Variants in UNC5C observed in about 807,000 individuals in gnomAD.
UNC5C encodes the protein netrin receptor UNC5C.
Under a neutral mutation model 99.8 loss-of-function variants are expected in UNC5C, and 47 were observed. That is an observed-to-expected ratio of 0.47 (90% confidence interval 0.37 to 0.60). The LOEUF (loss-of-function observed/expected upper bound fraction) is 0.60. Among genes scored for constraint, UNC5C ranks in the 20% least tolerant of loss-of-function variants. The probability of loss-of-function intolerance (pLI) is 0.00; values close to 1 mark genes in which losing one functional copy is unlikely to be tolerated. For missense variants in UNC5C, 1,062 were observed against 1,165.9 expected (o/e 0.91, Z 1.30); for synonymous variants, 487 against 452.2 (o/e 1.08, Z -0.98).
At position 95,165,832 on chromosome 4, in the gene UNC5C, A is replaced by G. The variant is rs544852481; in HGVS notation, c.*3402T>C. 2 of 152,318 alleles carry G rather than the reference A, an allele frequency of 1.3e-5. No individual in the cohort carries two copies. The highest frequency in any genetic ancestry group is 3.9e-4 in the East Asian group (2 of 5,174). 9.4% of individuals were successfully genotyped at this position (152,318 alleles called of 1,614,324 possible). On this transcript the variant is annotated 3_prime_UTR_variant, in exon 16 of 16. Coordinates refer to ENST00000453304, the MANE Select transcript of UNC5C (RefSeq NM_003728.4). The stretch of plus-strand genomic sequence containing the variant: ...AAAACCATAAGTGTTAAAAATGACA[A>G]CTCTTCAAAGACTGTTTTATATAGA...
chr4:95,335,682 C>T, intron 1 of UNC5C, 51 bp from the exon 2 acceptor site: 2 of 1,441,364 alleles, frequency 1.4e-6, no homozygotes, highest in Non-Finnish European at 1.9e-6. Flanking sequence ...TAACAACTTG[C>T]CTTCTACTTG....
chr4:95,353,870 T>C (rs1296037284), intron 1 of UNC5C, among the ~76,000 whole-genome samples: 2 of 152,096 alleles, frequency 1.3e-5, no homozygotes, highest in African/African-American at 4.8e-5. Context: ...ATTAAAAAAC[T>C]ATTTTAGTGA....
intron 4 of UNC5C, among the ~76,000 whole-genome samples, chr4:95,277,769 C>T (rs779222562): frequency 3.9e-5 from 6 of 152,152 alleles, no homozygotes; most frequent in Non-Finnish European, 5.9e-5. Context: ...ACCTTTTACT[C>T]CTAAAATGTG....
At chr4:95,171,381 C>A (rs1368103315) in intron 14 of UNC5C, among the ~76,000 whole-genome samples, 2 of 142,964 alleles carry the variant, frequency 1.4e-5, no homozygotes, top group East Asian at 4.3e-4. Flanking sequence ...TATCCCTCCC[C>A]CCTCCCACCT....
intron 1 of UNC5C, among the ~76,000 whole-genome samples, chr4:95,361,646 CA>C (rs1298199175): frequency 6.6e-6 from 1 of 152,052 alleles, no homozygotes; most frequent in Non-Finnish European, 1.5e-5. Context: ...ACATCCAAAT[CA>C]AAGCAAACAA....
intron 1 of UNC5C, among the ~76,000 whole-genome samples, chr4:95,516,661 C>G (rs1722228946): frequency 6.6e-6 from 1 of 152,088 alleles, no homozygotes; most frequent in African/African-American, 2.4e-5. Flanking sequence ...CCTGCTGCTC[C>G]CGAAGCTTTC....
chr4:95,426,160 A>G (rs1308036171), intron 1 of UNC5C, among the ~76,000 whole-genome samples: 1 of 152,160 alleles, frequency 6.6e-6, no homozygotes, highest in African/African-American at 2.4e-5. Context: ...TCATATCTCT[A>G]TGTCACATTT....
chr4:95,426,091 T>C (rs1746475814), intron 1 of UNC5C, among the ~76,000 whole-genome samples: 1 of 152,260 alleles, frequency 6.6e-6, no homozygotes, highest in Non-Finnish European at 1.5e-5. Context: ...TGAAGGTTTC[T>C]GGCAACCCTG....
Position 95,174,895 on chromosome 4 carries a change from A to C in UNC5C, c.2452-4563T>G, listed in dbSNP as rs922563650. Among the ~76,000 whole-genome samples the C allele has an allele frequency of 2.2e-4, 33 of 149,740 alleles. No homozygotes were observed. In the South Asian group the frequency reaches 6.1e-3, roughly 28 times the overall value. ...GGGAGTCTAAGTCTCTTTGTAGGTC[A>C]CTCAGGACTTGCTTTATGAATCTGG... On this transcript the variant is annotated intron_variant, in intron 14 of 15. Transcript: ENST00000453304.
intron 1 of UNC5C, among the ~76,000 whole-genome samples, chr4:95,395,772 A>G (rs1745493487): frequency 6.6e-6 from 1 of 152,218 alleles, no homozygotes; most frequent in Admixed American, 6.5e-5. Flanking sequence ...TAGGGCAGAG[A>G]GAAACATGAC....
chr4:95,296,305 A>T (rs1433459402), intron 3 of UNC5C, among the ~76,000 whole-genome samples: 2 of 152,184 alleles, frequency 1.3e-5, no homozygotes, highest in Admixed American at 6.5e-5. Flanking sequence ...TTATAGGTGA[A>T]CTGCTCTTGA....
intron 1 of UNC5C, among the ~76,000 whole-genome samples, chr4:95,419,008 G>A (rs1029982472): frequency 6.6e-6 from 1 of 152,128 alleles, no homozygotes; most frequent in African/African-American, 2.4e-5. Flanking sequence ...GATGAGACAC[G>A]ATGATCTTCA....
Position 95,508,636 on chromosome 4 carries a change from C to A in UNC5C, c.124+40098G>T, listed in dbSNP as rs556340479. On this transcript the variant is annotated intron_variant, in intron 1 of 15. Coordinates refer to ENST00000453304, the MANE Select transcript of UNC5C (RefSeq NM_003728.4). ...GTTTCTCTCCATTTTTACTGTTACT[C>A]ATTTTTCAGTGACTTACTCAAGTCT... 3.3e-5 allele frequency among the ~76,000 whole-genome samples: 5 copies of A among 151,976 alleles called. No homozygotes were observed. The South Asian group carries it at 1.0e-3, about 32-fold the overall frequency.
At chr4:95,201,857 G>GC (rs1737683654) in intron 12 of UNC5C, among the ~76,000 whole-genome samples, 1 of 152,110 alleles carries the variant, frequency 6.6e-6, no homozygotes, top group South Asian at 2.1e-4. Flanking sequence ...ACCCGCCTTA[G>GC]CCTCCCAAAG....
chr4:95,281,766 T>C (rs956353926), intron 3 of UNC5C, among the ~76,000 whole-genome samples: 10 of 152,188 alleles, frequency 6.6e-5, no homozygotes, highest in African/African-American at 2.4e-4. Context: ...ATGTTAGGTT[T>C]GGCATATCTA....
chr4:95,472,381 C>T (rs1056364760), intron 1 of UNC5C, among the ~76,000 whole-genome samples: 1 of 152,072 alleles, frequency 6.6e-6, no homozygotes, highest in East Asian at 1.9e-4. Flanking sequence ...GCCACTATCT[C>T]CCAGGTATGA....
chr4:95,416,661 A>G (rs2149454244), intron 1 of UNC5C, among the ~76,000 whole-genome samples: 1 of 152,326 alleles, frequency 6.6e-6, no homozygotes, highest in South Asian at 2.1e-4. Context: ...TCAGCATTGC[A>G]AAAATATGCT....
At chr4:95,485,533 A>T (rs1362426492) in intron 1 of UNC5C, among the ~76,000 whole-genome samples, 1 of 151,774 alleles carries the variant, frequency 6.6e-6, no homozygotes, top group African/African-American at 2.4e-5. Flanking sequence ...TTCATGTGGC[A>T]CCAAAGGAAA....
At chr4:95,170,392 T>G in intron 14 of UNC5C, 60 bp from the exon 15 acceptor site, 2 of 1,565,370 alleles carry the variant, frequency 1.3e-6, no homozygotes, top group Non-Finnish European at 1.7e-6. Flanking sequence ...CAATCTCTAT[T>G]GAACCAATCA....
Sources: gnomAD v4.1 joint callset for allele counts (sites outside exome capture counted in the v4.1 genomes callset) on GRCh38, gnomAD v4.1.1 for gene constraint, MANE v1.5 for transcripts, NCBI Gene and HGNC (gene_info 2026-07-23, HGNC 2026-07-21) for gene names.